Variants in OR10A6 observed in about 807,000 individuals in gnomAD.
OR10A6 encodes the protein olfactory receptor family 10 subfamily A member 6 (gene/pseudogene).
OR10A6 carries 2 observed loss-of-function variants against 1.5 expected under a neutral mutation model. That is an observed-to-expected ratio of 1.31 (90% CI 0.54 to 4.13). The LOEUF is 4.13. Ranked by LOEUF, OR10A6 falls within the 30% of genes most tolerant of loss-of-function variation. The pLI is 0.07. For missense variants in OR10A6, 492 were observed against 368.6 expected, an observed-to-expected ratio of 1.33 and a Z score of -2.74; for synonymous variants, 169 against 137.3, an observed-to-expected ratio of 1.23 and a Z score of -1.61.
Position 7,928,737 on chromosome 11 carries a change from A to T in OR10A6, c.-75T>A. On this transcript the variant is annotated 5_prime_UTR_variant, in exon 4 of 4. Coordinates refer to ENST00000641238, the MANE Select transcript of OR10A6 (RefSeq NM_001004461.2). ...ATAAAGCCACAGTCCATTAGCTAAG[A>T]GTTCCAGTCTGCATTCACCCCAGAA... 1 of 1,079,556 alleles carries T rather than the reference A, an allele frequency of 9.3e-7. No individual in the cohort carries two copies. The highest frequency in any genetic ancestry group is 1.3e-6 in the Non-Finnish European group (1 of 783,016). 66.9% of individuals were successfully genotyped at this position (1,079,556 alleles called of 1,614,324 possible). A position where few individuals can be genotyped will look rare whatever the true frequency, so the allele number is the denominator to read the frequency against.
In OR10A6 at chr11:7,927,772, C is replaced by T. The variant is rs762077614; in HGVS notation, c.891G>A (p.Met297Ile). 20 of 1,613,976 alleles carry T rather than the reference C, an allele frequency of 1.2e-5. No homozygotes were observed. The East Asian group carries it at 4.2e-4, about 34-fold the overall frequency. ...LLIYSLRNSEMKRALMKLWRR... is the reference protein window; with the variant it reads ...LLIYSLRNSEIKRALMKLWRR... ...GCCATAATTTCATCAAAGCCCTCTT[C>T]ATCTCACTATTTCGCAAACTGTAGA... Residue 297 changes from methionine to isoleucine, a missense_variant, in exon 4 of 4, where the codon ATG (methionine) becomes ATA (isoleucine). Transcript: ENST00000641238.
chr11:7,925,662 T>C lies in OR10A6; in HGVS notation c.*2056A>G, dbSNP rs1416673514. ...AAAGACTTTCTGTATTTAGCTTCCTTTGTTTGTTTCTTTGCTGATTTGTTC... is the reference window on the plus strand; with the variant it reads ...AAAGACTTTCTGTATTTAGCTTCCTCTGTTTGTTTCTTTGCTGATTTGTTC... On this transcript the variant is annotated 3_prime_UTR_variant, in exon 4 of 4. Transcript: ENST00000641238. The C allele has an allele frequency of 6.8e-6, 1 of 146,000 alleles. No homozygotes were observed. The highest frequency in any genetic ancestry group is 1.5e-5 in the Non-Finnish European group (1 of 67,972). The allele number at this position is 146,000 out of a possible 1,614,324, so 9.0% of individuals were successfully genotyped here. A position where few individuals can be genotyped will look rare whatever the true frequency, so the allele number is the denominator to read the frequency against.
Position 7,928,057 on chromosome 11 carries a change from G to T in OR10A6, c.606C>A (p.Gly202=). 1 of 1,613,870 alleles carries T rather than the reference G, an allele frequency of 6.2e-7. No individual in the cohort carries two copies. The highest frequency in any genetic ancestry group is 8.5e-7 in the Non-Finnish European group (1 of 1,179,972). ...AAGGAACCAAAATAATCAAAAAGGT[G>T]CCTGTGAATGCATAGATTTCAAACA... ...TFLFEIYAFT[G]TFLIILVPFL... Residue 202 remains glycine (G), a synonymous_variant, in exon 4 of 4, where the codon GGC becomes GGA. Transcript: ENST00000641238.
chr11:7,931,237 G>C lies in OR10A6; in HGVS notation c.-1950C>G, dbSNP rs1437672069. On this transcript the variant is annotated 5_prime_UTR_variant, in exon 1 of 4. Transcript: ENST00000641238. Reference sequence around the variant, plus strand: ...CTTTAATTTTCATACTACTTTATCAGAAGATTCACCTGTAGTCAAAAGCCA... The same window carrying C: ...CTTTAATTTTCATACTACTTTATCACAAGATTCACCTGTAGTCAAAAGCCA... 6.6e-6 allele frequency: 1 copy of C among 152,144 alleles called. No individual in the cohort carries two copies. The highest frequency in any genetic ancestry group is 1.5e-5 in the Non-Finnish European group (1 of 68,032). The allele number at this position is 152,144 out of a possible 1,614,324, so 9.4% of individuals were successfully genotyped here. A position where few individuals can be genotyped will look rare whatever the true frequency, so the allele number is the denominator to read the frequency against.
rs55811645 is a variant in OR10A6, at chr11:7,929,755, T to TATATATATACATACAC, written c.-1094_-1093insGTGTATGTATATATAT. 1 of 97,272 alleles carries TATATATATACATACAC rather than the reference T, an allele frequency of 1.0e-5. No individual in the cohort carries two copies. The highest frequency in any genetic ancestry group is 3.6e-5 in the African/African-American group (1 of 27,976). 6.0% of individuals were successfully genotyped at this position (97,272 alleles called of 1,614,324 possible). A position where few individuals can be genotyped will look rare whatever the true frequency, so the allele number is the denominator to read the frequency against. On this transcript the variant is annotated 5_prime_UTR_variant, in exon 4 of 4. The change creates a new upstream start codon in the 5' untranslated region. Transcript: ENST00000641238. The stretch of plus-strand genomic sequence containing the variant: ...ATATATATATATATATATATATATA[T>TATATATATACATACAC]ACACACACATGCACACATATATATA...
rs369934458 is a variant in OR10A6 at position 7,928,701 on chromosome 11, G to A, written c.-39C>T. ...GTCGTGCATTGATTTTATGGACATA[G>A]TATATACAGAATAAAGCCACAGTCC... On this transcript the variant is annotated 5_prime_UTR_variant, in exon 4 of 4. Transcript: ENST00000641238. 8 of 1,440,364 alleles carry A rather than the reference G, an allele frequency of 5.6e-6. No homozygotes were observed. The highest frequency in any genetic ancestry group is 7.6e-6 in the Non-Finnish European group (8 of 1,056,038). 89.2% of individuals were successfully genotyped at this position (1,440,364 alleles called of 1,614,324 possible).
At chr11:7,930,559 C>T (rs1488575796) in intron 3 of OR10A6, 44 bp from the exon 4 acceptor site, 1 of 152,244 alleles carries the variant, frequency 6.6e-6, no homozygotes. Context: ...TACTTTATTT[C>T]TGAATTTGTC....
In OR10A6 at chr11:7,926,967, A is replaced by C. The variant is rs1012645479; in HGVS notation, c.*751T>G. 2 of 152,220 alleles carry C rather than the reference A, an allele frequency of 1.3e-5. No individual in the cohort carries two copies. Among genetic ancestry groups the C allele is most frequent in the South Asian group, 2.1e-4 (1 of 4,830 alleles). The allele number at this position is 152,220 out of a possible 1,614,324, so 9.4% of individuals were successfully genotyped here. The stretch of plus-strand genomic sequence containing the variant: ...TTGCCTTATGAAAGAAATTTGACCA[A>C]GTTTCAAAAAATATAGTTTATAAGT... On this transcript the variant is annotated 3_prime_UTR_variant, in exon 4 of 4. Transcript: ENST00000641238.
chr11:7,927,840 A>C lies in OR10A6; in HGVS notation c.823T>G (p.Ser275Ala). ...GYSPETKKVM[S>A]LSYSLLTPLL... ...GGTGTCAGAAGTGAGTAAGACAATG[A>C]CATCACTTTCTTGGTTTCCGGTGAG... is the stretch of plus-strand genomic sequence containing the variant. Residue 275 changes from serine (S) to alanine (A), a missense_variant, in exon 4 of 4, where the codon TCA (serine) becomes GCA (alanine). Transcript: ENST00000641238. 6.2e-7 allele frequency: 1 copy of C among 1,613,920 alleles called. No individual in the cohort carries two copies. The highest frequency in any genetic ancestry group is 8.5e-7 in the Non-Finnish European group (1 of 1,179,884).
rs535006008 is a variant in OR10A6, at chr11:7,925,380, A to T, written c.*2338T>A. 1 of 152,306 alleles carries T rather than the reference A, an allele frequency of 6.6e-6. No homozygotes were observed. Among genetic ancestry groups the T allele is most frequent in the African/African-American group, 2.4e-5 (1 of 41,576 alleles). 9.4% of individuals were successfully genotyped at this position (152,306 alleles called of 1,614,324 possible). ...CACACACACATACAAATTTAGAATT[A>T]GAGTGACCTAATTTCTTATTGTAAT... On this transcript the variant is annotated 3_prime_UTR_variant, in exon 4 of 4. Coordinates refer to ENST00000641238, the MANE Select transcript of OR10A6 (RefSeq NM_001004461.2).
At position 7,925,041 on chromosome 11, in the gene OR10A6, CTTGTT is replaced by C. The variant is rs1352012905; in HGVS notation, c.*2672_*2676del. 1 of 151,686 alleles carries C rather than the reference CTTGTT, an allele frequency of 6.6e-6. No individual in the cohort carries two copies. The highest frequency in any genetic ancestry group is 2.4e-5 in the African/African-American group (1 of 41,276). 9.4% of individuals were successfully genotyped at this position (151,686 alleles called of 1,614,324 possible). On this transcript the variant is annotated 3_prime_UTR_variant, in exon 4 of 4. Transcript: ENST00000641238. ...TGGATACATTACTGCCCTTAAGAAA[CTTGTT>C]TTTTTTTTCTACTTAAAGAACAAAA...
At position 7,928,380 on chromosome 11, in the gene OR10A6, C is replaced by G. The variant is rs1859460081; in HGVS notation, c.283G>C (p.Gly95Arg). 1 of 1,613,968 alleles carries G rather than the reference C, an allele frequency of 6.2e-7. No homozygotes were observed. The highest frequency in any genetic ancestry group is 1.7e-4 in the Middle Eastern group (1 of 6,060). Residue 95 changes from glycine to arginine, a missense_variant, in exon 4 of 4, where the codon GGG (glycine) becomes CGG (arginine). By Grantham distance (125) the Gly-to-Arg change is moderately radical. Transcript: ENST00000641238. ...LSTEKTTISF[G>R]GCFAQMYFIL... is the part of the protein sequence containing the mutation. ...AAATACATCTGTGCAAAACAGCCCC[C>G]AAAAGAAATTGTAGTTTTTTCAGTA...
Position 7,927,430 on chromosome 11 carries a change from G to C in OR10A6, c.*288C>G, listed in dbSNP as rs1459988071. 3.3e-6 allele frequency: 1 copy of C among 307,172 alleles called. No homozygotes were observed. The highest frequency in any genetic ancestry group is 2.1e-5 in the African/African-American group (1 of 46,578). 19.0% of individuals were successfully genotyped at this position (307,172 alleles called of 1,614,324 possible). ...AGAATTTATGAATATATAAAAACTG[G>C]TTGTTTTAGTATTATCTATTGTGAC... On this transcript the variant is annotated 3_prime_UTR_variant, in exon 4 of 4. Coordinates refer to ENST00000641238, the MANE Select transcript of OR10A6 (RefSeq NM_001004461.2).
chr11:7,928,004 CG>C lies in OR10A6; in HGVS notation c.658del (p.Arg220GlufsTer7). The part of the protein sequence containing the change: ...PFLLILLSYI[R>X]VLFAILKMPS... The stretch of plus-strand genomic sequence containing the variant: ...CATCTTCAGGATGGCAAACAGAACT[CG>C]AATGTAAGACAAGAGTATCAACAAG... On this transcript the variant is annotated frameshift_variant, in exon 4 of 4. Coordinates refer to ENST00000641238, the MANE Select transcript of OR10A6 (RefSeq NM_001004461.2). LOFTEE classifies it high-confidence loss of function. The C allele has an allele frequency of 6.2e-7, 1 of 1,613,752 alleles. No individual in the cohort carries two copies. The highest frequency in any genetic ancestry group is 2.2e-5 in the East Asian group (1 of 44,854).
Position 7,925,506 on chromosome 11 carries a change from C to T in OR10A6, c.*2212G>A, listed in dbSNP as rs2133602870. 1 of 152,236 alleles carries T rather than the reference C, an allele frequency of 6.6e-6. No homozygotes were observed. The highest frequency in any genetic ancestry group is 2.1e-4 in the South Asian group (1 of 4,820). The allele number at this position is 152,236 out of a possible 1,614,324, so 9.4% of individuals were successfully genotyped here. ...CTTCCAGCATCTAATGACCAGTACA[C>T]TGTAAATCCTTCAAGAGCAGAGACT... On this transcript the variant is annotated 3_prime_UTR_variant, in exon 4 of 4. Coordinates refer to ENST00000641238, the MANE Select transcript of OR10A6 (RefSeq NM_001004461.2).
At position 7,929,966 on chromosome 11, in the gene OR10A6, G is replaced by GTATATATATGTGTATATATATATATATA. The variant is rs58402229; in HGVS notation, c.-1305_-1304insTATATATATATATATACACATATATATA. The GTATATATATGTGTATATATATATATATA allele has an allele frequency of 0.042, 2,367 of 56,758 alleles. 355 individuals are homozygous for GTATATATATGTGTATATATATATATATA. The highest frequency in any genetic ancestry group is 0.12 in the Middle Eastern group (12 of 96). The allele number at this position is 56,758 out of a possible 1,614,324, so 3.5% of individuals were successfully genotyped here. On this transcript the variant is annotated 5_prime_UTR_variant, in exon 4 of 4. Transcript: ENST00000641238. ...TCTAGTAAGGTATGTGTATGTGTAT[G>GTATATATATGTGTATATATATATATATA]TATATATATATATATATATATATAT...
rs1016992938 is a variant in OR10A6, at chr11:7,924,686, T to C, written c.*3032A>G. 6.6e-6 allele frequency: 1 copy of C among 151,648 alleles called. No individual in the cohort carries two copies. Among genetic ancestry groups the C allele is most frequent in the Non-Finnish European group, 1.5e-5 (1 of 67,954 alleles). 9.4% of individuals were successfully genotyped at this position (151,648 alleles called of 1,614,324 possible). On this transcript the variant is annotated 3_prime_UTR_variant, in exon 4 of 4. Coordinates refer to ENST00000641238, the MANE Select transcript of OR10A6 (RefSeq NM_001004461.2). ...TCTGAAGTAACAGTCAGTAAACAAA[T>C]AGGCAGGAGAGGAATGATAAGGTCA...
Position 7,928,273 on chromosome 11 carries a change from G to C in OR10A6, c.390C>G (p.Leu130=). The C allele has an allele frequency of 6.2e-7, 1 of 1,613,718 alleles. No homozygotes were observed. Among genetic ancestry groups the C allele is most frequent in the Middle Eastern group, 1.7e-4 (1 of 6,058 alleles). ...YDRFAAICHP[L]NYQMIMNKGV... ...CTTTATTCATAATCATTTGGTAGTTGAGAGGATGGCAAATTGCAGCAAATC... is the reference window on the plus strand; with the variant it reads ...CTTTATTCATAATCATTTGGTAGTTCAGAGGATGGCAAATTGCAGCAAATC... Residue 130 remains leucine (L), a synonymous_variant, in exon 4 of 4, where the codon CTC becomes CTG. Transcript: ENST00000641238.
rs373819279 is a variant in OR10A6, at chr11:7,928,603, A to T, written c.60T>A (p.Tyr20Ter). The T allele has an allele frequency of 3.7e-6, 6 of 1,610,626 alleles. No homozygotes were observed. In the East Asian group the frequency reaches 1.1e-4, roughly 30 times the overall value. ...VEFILLGFSN[Y>*]PELQGQLFVA... Reference sequence around the variant, plus strand: ...CAAAGAGCTGCCCCTGGAGCTCAGGATAGTTAGAAAAGCCCAAGAGGATGA... The same window carrying T: ...CAAAGAGCTGCCCCTGGAGCTCAGGTTAGTTAGAAAAGCCCAAGAGGATGA... The change falls in exon 4 of 4, where the codon TAT (tyrosine) becomes TAA (stop). Residue 20 changes from tyrosine to a stop codon, truncating the protein, a stop_gained. Coordinates refer to ENST00000641238, the MANE Select transcript of OR10A6 (RefSeq NM_001004461.2). LOFTEE classifies it low-confidence loss of function (END_TRUNC).
Sources: allele counts gnomAD v4.1 joint callset, GRCh38; gene constraint gnomAD v4.1.1; transcripts MANE v1.5; gene names NCBI Gene and HGNC (gene_info 2026-07-23, HGNC 2026-07-21).